DIP2A: variants seen among roughly 807,000 people sequenced by gnomAD.
The protein encoded by DIP2A is disco-interacting protein 2 homolog A.
DIP2A carries 85 observed loss-of-function variants against 177.4 expected under a neutral mutation model. The observed-to-expected ratio is 0.48, with a 90% CI of 0.40 to 0.57. The LOEUF (loss-of-function observed/expected upper bound fraction) is 0.57, where lower values mean the gene tolerates loss of function less well. Ranked by LOEUF, DIP2A falls within the 20% of genes least tolerant of loss-of-function variation. The pLI is 0.00. For missense variants in DIP2A, 1,791 were observed against 2,100.2 expected, an observed-to-expected ratio of 0.85 and a Z score of 2.88; for synonymous variants, 886 against 881.8, an observed-to-expected ratio of 1.00 and a Z score of -0.08.
chr21:46,571,188 G>T (rs967391736), downstream of DIP2A, among the ~76,000 whole-genome samples: 1 of 152,168 alleles, frequency 6.6e-6, no homozygotes, highest in African/African-American at 2.4e-5. Flanking sequence ...AGGGATCGAG[G>T]TTGCACACTC....
chr21:46,480,408 G>T (rs772312581), intron 1 of DIP2A, among the ~76,000 whole-genome samples: 1 of 152,190 alleles, frequency 6.6e-6, no homozygotes, highest in African/African-American at 2.4e-5. Flanking sequence ...CCCATGACAC[G>T]TGGGGATTAT....
rs2060206028 is a variant in DIP2A, at chr21:46,549,864, G to C, written c.2616G>C (p.Gln872His). ...RPDASEEDSF[Q>H]WMSRVLQAID... ...ATGCCTCGGAGGAGGACAGCTTCCA[G>C]TGGATGAGCCGTGTGCTGCAGGTGG... The change falls in exon 22 of 38, where the codon CAG (glutamine) becomes CAC (histidine). Residue 872 changes from glutamine (Q) to histidine (H), a missense_variant. By Grantham distance (24) the Gln-to-His change is conservative. Coordinates refer to ENST00000417564, the MANE Select transcript of DIP2A (RefSeq NM_015151.4). 4 of 1,612,244 alleles carry C rather than the reference G, an allele frequency of 2.5e-6. No individual in the cohort carries two copies. The highest frequency in any genetic ancestry group is 3.4e-6 in the Non-Finnish European group (4 of 1,179,972).
the DIP2A span, among the ~76,000 whole-genome samples, chr21:46,575,629 A>C: frequency 6.6e-5 from 10 of 152,238 alleles, no homozygotes; most frequent in African/African-American, 2.4e-4. Flanking sequence ...CAATTCGAAA[A>C]GGAAATCAGG....
At chr21:46,577,628 T>C in the DIP2A span, among the ~76,000 whole-genome samples, 1 of 152,116 alleles carries the variant, frequency 6.6e-6, no homozygotes, top group Non-Finnish European at 1.5e-5. Flanking sequence ...TTTTTTGGTA[T>C]CATATCAATT....
At position 46,461,081 on chromosome 21, in the gene DIP2A, T is replaced by C. The variant is rs370772619; in HGVS notation, c.91+1859T>C. Among the ~76,000 whole-genome samples the C allele has an allele frequency of 4.6e-5, 7 of 151,592 alleles. No homozygotes were observed. The East Asian group carries it at 5.9e-4, about 13-fold the overall frequency. ...CAACACTTTGGGAGGCCACGTTGGC[T>C]TGGAGACGGGAGTTCAGAACAGCTT... On this transcript the variant is annotated intron_variant, in intron 1 of 37. Transcript: ENST00000417564.
chr21:46,560,517 T>C (rs2060628054), intron 32 of DIP2A, among the ~76,000 whole-genome samples: 1 of 152,234 alleles, frequency 6.6e-6, no homozygotes, highest in African/African-American at 2.4e-5. Flanking sequence ...CTCAATATTA[T>C]CAAGCTCTGT....
intron 8 of DIP2A, among the ~76,000 whole-genome samples, chr21:46,514,930 T>C (rs1239402518): frequency 6.6e-6 from 1 of 152,226 alleles, no homozygotes; most frequent in African/African-American, 2.4e-5. Context: ...TTCATTAATT[T>C]GGTGAATTAT....
chr21:46,575,228 C>T, the DIP2A span, among the ~76,000 whole-genome samples: 2 of 151,910 alleles, frequency 1.3e-5, no homozygotes, highest in South Asian at 2.1e-4. Flanking sequence ...AATTCAGTAC[C>T]CTATAATGAT....
rs564687769 is a variant in DIP2A at position 46,547,389 on chromosome 21, A to G, written c.2522+347A>G. 3.3e-5 allele frequency among the ~76,000 whole-genome samples: 5 copies of G among 152,292 alleles called. No individual in the cohort carries two copies. The East Asian group carries it at 9.7e-4, about 29-fold the overall frequency. On this transcript the variant is annotated intron_variant, in intron 21 of 37. Transcript: ENST00000417564. The stretch of plus-strand genomic sequence containing the variant: ...CTTGGAATGTGAATTAAAACAGAAA[A>G]GTGCCATTTTCTCTGCGAGACACAT...
intron 13 of DIP2A, among the ~76,000 whole-genome samples, chr21:46,536,894 ACT>A (rs2059596251): frequency 6.9e-6 from 1 of 144,608 alleles, no homozygotes; most frequent in Non-Finnish European, 1.5e-5. Flanking sequence ...ACAGAGCAAG[ACT>A]CTGTCTCAAA....
intron 18 of DIP2A, among the ~76,000 whole-genome samples, chr21:46,544,222 A>G (rs17302525): frequency 0.047 from 7,210 of 152,048 alleles, 223 homozygotes; most frequent in Non-Finnish European, 0.064. Context: ...GCACTTAAGT[A>G]AAAACAGAAC....
chr21:46,489,535 G>C (rs958511534), intron 2 of DIP2A, among the ~76,000 whole-genome samples: 2 of 152,172 alleles, frequency 1.3e-5, no homozygotes, highest in Admixed American at 6.5e-5. Flanking sequence ...GAGCCAGGTA[G>C]AGCCGTGTCG....
chr21:46,506,260 G>T (rs1293224477), intron 6 of DIP2A, among the ~76,000 whole-genome samples: 1 of 151,834 alleles, frequency 6.6e-6, no homozygotes, highest in Admixed American at 6.6e-5. Flanking sequence ...TGGGATTACA[G>T]GCATGTGCCA....
chr21:46,466,595 A>G (rs1459487882), intron 1 of DIP2A, among the ~76,000 whole-genome samples: 1 of 151,286 alleles, frequency 6.6e-6, no homozygotes, highest in Non-Finnish European at 1.5e-5. Flanking sequence ...ATCCGCCCGC[A>G]TTGATCTCCT....
intron 1 of DIP2A, among the ~76,000 whole-genome samples, chr21:46,478,337 C>T (rs555237937): frequency 1.3e-5 from 2 of 152,090 alleles, no homozygotes; most frequent in East Asian, 3.9e-4. Context: ...CTCAGCCTCC[C>T]GAGTAGCTGG....
intron 17 of DIP2A, 73 bp downstream of exon 17, chr21:46,540,064 C>A: frequency 1.6e-6 from 2 of 1,237,452 alleles, no homozygotes; most frequent in Non-Finnish European, 2.3e-6. Flanking sequence ...TATCCTGGAG[C>A]TGTGCCTGTG....
chr21:46,529,935 G>A (rs1701211443), intron 9 of DIP2A, among the ~76,000 whole-genome samples: 1 of 152,144 alleles, frequency 6.6e-6, no homozygotes, highest in African/African-American at 2.4e-5. Context: ...TGCCCTATAT[G>A]GTTGGCAGTA....
chr21:46,516,488 CTT>C lies in DIP2A; in HGVS notation c.1102+4894_1102+4895del, dbSNP rs1158910021. On this transcript the variant is annotated intron_variant, in intron 8 of 37. Transcript: ENST00000417564. ...TCTTTAATCTTGTCTTCTGAAATTT[CTT>C]TTTTTTTTTTTTTTTTTTTGAGATG... 1.3e-4 allele frequency among the ~76,000 whole-genome samples: 10 copies of C among 76,378 alleles called. 1 individual carries two copies. Among genetic ancestry groups the C allele is most frequent in the African/African-American group, 1.8e-4 (4 of 22,520 alleles). The allele number at this position is 76,378 out of a possible 152,430, so 50.1% of individuals were successfully genotyped here. A position where few individuals can be genotyped will look rare whatever the true frequency, so the allele number is the denominator to read the frequency against.
downstream of DIP2A, among the ~76,000 whole-genome samples, chr21:46,574,990 A>AC (rs1389105507): frequency 6.6e-6 from 1 of 152,188 alleles, no homozygotes; most frequent in East Asian, 1.9e-4. Flanking sequence ...AAAACTACAG[A>AC]CCATGATTCC....
Sources: gnomAD v4.1 joint callset for allele counts (sites outside exome capture counted in the v4.1 genomes callset) on GRCh38, gnomAD v4.1.1 for gene constraint, MANE v1.5 for transcripts, NCBI Gene and HGNC (gene_info 2026-07-23, HGNC 2026-07-21) for gene names.